CPQ: variants seen among roughly 807,000 people sequenced by gnomAD.
CPQ encodes the protein Ser-Met dipeptidase.
In CPQ, 37 loss-of-function variants were observed where a neutral mutation model predicts 45.7. That is an observed-to-expected ratio of 0.81 (90% CI 0.62 to 1.07). The LOEUF (loss-of-function observed/expected upper bound fraction) is 1.07. Among genes scored for constraint, CPQ ranks in the 50% least tolerant of loss-of-function variants. The pLI is 0.00. For missense variants in CPQ, 537 were observed against 572.9 expected (o/e 0.94, Z 0.64); for synonymous variants, 186 against 205.8 (o/e 0.90, Z 0.82).
intron 1 of CPQ, among the ~76,000 whole-genome samples, chr8:96,726,712 A>G (rs377614459): frequency 3.9e-5 from 6 of 152,284 alleles, no homozygotes; most frequent in African/African-American, 1.4e-4. Flanking sequence ...AATAGCGATT[A>G]CAACTGAACA....
intron 1 of CPQ, among the ~76,000 whole-genome samples, chr8:96,713,228 G>A (rs1473244408): frequency 6.6e-6 from 1 of 152,116 alleles, no homozygotes; most frequent in Non-Finnish European, 1.5e-5. Flanking sequence ...AAATCTCTAG[G>A]AAGTTTTAAA....
intron 1 of CPQ, among the ~76,000 whole-genome samples, chr8:96,655,786 G>A (rs957015960): frequency 6.6e-6 from 1 of 152,176 alleles, no homozygotes; most frequent in Admixed American, 6.5e-5. Context: ...ATCCTGATAA[G>A]TCCGTTGTAA....
chr8:96,684,701 T>C (rs1809202809), intron 1 of CPQ, among the ~76,000 whole-genome samples: 1 of 152,016 alleles, frequency 6.6e-6, no homozygotes, highest in Admixed American at 6.6e-5. Context: ...GGTTCTTGGA[T>C]TATGTGCACA....
At chr8:97,142,254 A>G (rs1231473632) in intron 7 of CPQ, among the ~76,000 whole-genome samples, 1 of 152,256 alleles carries the variant, frequency 6.6e-6, no homozygotes, top group East Asian at 1.9e-4. Flanking sequence ...AACTGAAACT[A>G]GAATCCATAA....
At chr8:97,111,480 G>T (rs1223358631) in intron 7 of CPQ, among the ~76,000 whole-genome samples, 3 of 152,136 alleles carry the variant, frequency 2.0e-5, no homozygotes, top group Non-Finnish European at 1.5e-5. Flanking sequence ...GATGTCTGTG[G>T]CCATGTCCCA....
At chr8:96,891,884 G>A (rs1812381960) in intron 4 of CPQ, among the ~76,000 whole-genome samples, 1 of 152,120 alleles carries the variant, frequency 6.6e-6, no homozygotes, top group Non-Finnish European at 1.5e-5. Flanking sequence ...AGGAAGCCAA[G>A]GATGGCTTTC....
At chr8:96,935,122 T>A (rs1813027397) in intron 4 of CPQ, among the ~76,000 whole-genome samples, 1 of 152,158 alleles carries the variant, frequency 6.6e-6, no homozygotes, top group African/African-American at 2.4e-5. Flanking sequence ...GTCAGGTGTT[T>A]GCCTCTCCTT....
chr8:96,828,234 A>G (rs1172092127), intron 2 of CPQ, among the ~76,000 whole-genome samples: 2 of 151,934 alleles, frequency 1.3e-5, no homozygotes, highest in African/African-American at 4.8e-5. Context: ...GACTTCCTCC[A>G]AGCTTTTCCT....
chr8:96,726,751 C>T (rs1273809096), intron 1 of CPQ, among the ~76,000 whole-genome samples: 1 of 152,110 alleles, frequency 6.6e-6, no homozygotes, highest in Non-Finnish European at 1.5e-5. Flanking sequence ...TAGATCCAAA[C>T]CACATCATCA....
At chr8:96,725,334 C>G (rs1236560685) in intron 1 of CPQ, among the ~76,000 whole-genome samples, 1 of 152,088 alleles carries the variant, frequency 6.6e-6, no homozygotes, top group East Asian at 1.9e-4. Flanking sequence ...AACTATGTAT[C>G]CAACAAAAGT....
In CPQ at chr8:96,721,563, A is replaced by G. The variant is rs140888157; in HGVS notation, c.-34-63301A>G. On this transcript the variant is annotated intron_variant, in intron 1 of 7. Transcript: ENST00000220763. ...TGATAAGCATTCTATCAGAATTAGG[A>G]CAATAATTTTCTAACAGGTCTTCTG... 1.2e-3 allele frequency among the ~76,000 whole-genome samples: 189 copies of G among 152,184 alleles called. 1 individual carries two copies. Among genetic ancestry groups the G allele is most frequent in the African/African-American group, 4.4e-3 (184 of 41,520 alleles).
chr8:97,079,702 T>A (rs568553064), intron 7 of CPQ, among the ~76,000 whole-genome samples: 1 of 152,218 alleles, frequency 6.6e-6, no homozygotes, highest in East Asian at 1.9e-4. Context: ...GGTATTAAAC[T>A]GCCGGGGCCT....
chr8:96,813,906 A>G (rs376933942), intron 2 of CPQ, among the ~76,000 whole-genome samples: 119 of 152,252 alleles, frequency 7.8e-4, no homozygotes, highest in African/African-American at 2.6e-3. Flanking sequence ...CAGCACTATA[A>G]TAGGCCTCAT....
intron 5 of CPQ, among the ~76,000 whole-genome samples, chr8:97,012,257 A>G (rs112858122): frequency 0.022 from 3,401 of 152,302 alleles, 135 homozygotes; most frequent in African/African-American, 0.076. Context: ...ATTGATTTGT[A>G]TATATATTTA....
At chr8:96,738,808 G>A (rs1223536105) in intron 1 of CPQ, among the ~76,000 whole-genome samples, 3 of 152,156 alleles carry the variant, frequency 2.0e-5, no homozygotes, top group African/African-American at 7.2e-5. Flanking sequence ...TTTTATGGCT[G>A]CATAGTATTC....
intron 3 of CPQ, among the ~76,000 whole-genome samples, chr8:96,865,088 A>C (rs1437063716): frequency 6.6e-6 from 1 of 151,998 alleles, no homozygotes; most frequent in Non-Finnish European, 1.5e-5. Context: ...ATTTATAACA[A>C]TAATAATAAT....
intron 1 of CPQ, among the ~76,000 whole-genome samples, chr8:96,720,569 T>C (rs1809749026): frequency 6.6e-6 from 1 of 152,206 alleles, no homozygotes; most frequent in African/African-American, 2.4e-5. Context: ...TTACTTCCTC[T>C]GAAGATCTTG....
intron 6 of CPQ, among the ~76,000 whole-genome samples, chr8:97,045,510 G>C (rs898459032): frequency 1.3e-5 from 2 of 152,194 alleles, no homozygotes; most frequent in African/African-American, 4.8e-5. Flanking sequence ...TGCGCCCACT[G>C]TCTGGCACTC....
rs147276068 is a variant in CPQ, at chr8:97,046,401, G to T, written c.1053+16907G>T. On this transcript the variant is annotated intron_variant, in intron 6 of 7. Coordinates refer to ENST00000220763, the MANE Select transcript of CPQ (RefSeq NM_016134.4). ...TTGTCTAAACTGTTTTGGTTTCAGG[G>T]TTGTCTTAAAGGAGAGTTTCTCAAA... is the stretch of plus-strand genomic sequence containing the variant. Among the ~76,000 whole-genome samples the T allele has an allele frequency of 5.5e-3, 836 of 152,074 alleles. 6 individuals carry two copies. The highest frequency in any genetic ancestry group is 0.019 in the African/African-American group (788 of 41,468).
Sources: allele counts gnomAD v4.1 joint callset (sites outside exome capture counted in the v4.1 genomes callset), GRCh38; gene constraint gnomAD v4.1.1; transcripts MANE v1.5; gene names NCBI Gene and HGNC (gene_info 2026-07-23, HGNC 2026-07-21).